The following UGT2B17 variants were observed in gnomAD, a reference collection of about 807,000 sequenced individuals.
UGT2B17 encodes UDP glucuronosyltransferase family 2 member B17.
UGT2B17 carries 21 observed loss-of-function variants against 48.2 expected under a neutral mutation model. That is an observed-to-expected ratio of 0.44 (90% confidence interval 0.31 to 0.63). The LOEUF (loss-of-function observed/expected upper bound fraction) is 0.63. UGT2B17 is among the 20% of genes least tolerant of loss of function. UGT2B17 has a pLI of 0.08. For synonymous variants in UGT2B17, 146 were observed against 238.4 expected (o/e 0.61, Z 3.57); for missense variants, 402 against 696.1 (o/e 0.58, Z 4.75).
intron 6 of UGT2B17, among the ~76,000 whole-genome samples, chr4:68,540,838 C>T (rs868101465): frequency 8.0e-6 from 1 of 124,728 alleles, no homozygotes. Flanking sequence ...TTGCTCCCCT[C>T]CCTGAGTCCA....
rs185601583 is a variant in UGT2B17 at position 68,572,749 on chromosome 4, C to A, written c.-65+3202G>T. On this transcript the variant is annotated intron_variant, in intron 1 of 6. Coordinates refer to ENST00000317746, the MANE Select transcript of UGT2B17 (RefSeq NM_001077.4). ...AGTCTGAGGAAGGTCAGTTGAAGTC[C>A]TTCCTGTACAAGTCCAAATTCTGAG... Among the ~76,000 whole-genome samples, 2 of 126,716 alleles carry A rather than the reference C, an allele frequency of 1.6e-5. 1 individual carries two copies. Among genetic ancestry groups the A allele is most frequent in the East Asian group, 1.5e-3 (2 of 1,326 alleles). 83.1% of individuals were successfully genotyped at this position (126,716 alleles called of 152,430 possible).
At position 68,564,586 on chromosome 4, in the gene UGT2B17, G is replaced by A. The variant is rs929970264; in HGVS notation, c.873+986C>T. On this transcript the variant is annotated intron_variant, in intron 3 of 6. Transcript: ENST00000317746. ...TTACAGGTGTAAGCCACCACGCCCGGCCCATCATTGACTTTTACTCAACCT... is the reference window on the plus strand; with the variant it reads ...TTACAGGTGTAAGCCACCACGCCCGACCCATCATTGACTTTTACTCAACCT... Among the ~76,000 whole-genome samples the A allele has an allele frequency of 4.0e-5, 5 of 124,980 alleles. 1 individual carries two copies. The highest frequency in any genetic ancestry group is 1.4e-4 in the African/African-American group (5 of 36,508). The allele number at this position is 124,980 out of a possible 152,430, so 82.0% of individuals were successfully genotyped here.
intron 6 of UGT2B17, among the ~76,000 whole-genome samples, chr4:68,546,839 G>C (rs1485154130): frequency 2.4e-5 from 3 of 123,294 alleles, no homozygotes; most frequent in South Asian, 3.9e-4. Flanking sequence ...GCTTCAAAGA[G>C]AATAAAATAC....
chr4:68,570,889 A>T (rs1439607074), intron 1 of UGT2B17, among the ~76,000 whole-genome samples: 1 of 126,004 alleles, frequency 7.9e-6, no homozygotes, highest in Non-Finnish European at 1.7e-5. Context: ...CATATTTTTA[A>T]CTATGTCTTT....
At position 68,557,959 on chromosome 4, in the gene UGT2B17, C is replaced by T. The variant is rs1468826589; in HGVS notation, c.1005+2578G>A. 3.2e-5 allele frequency among the ~76,000 whole-genome samples: 4 copies of T among 124,350 alleles called. 2 individuals are homozygous for T. The East Asian group carries it at 3.1e-3, about 97-fold the overall frequency. The allele number at this position is 124,350 out of a possible 152,430, so 81.6% of individuals were successfully genotyped here. A position where few individuals can be genotyped will look rare whatever the true frequency, so the allele number is the denominator to read the frequency against. ...GAGCCCCAAGTTTATTTTGGAACCC[C>T]AAGAGGAGAGGAATTCACCCAACTC... On this transcript the variant is annotated intron_variant, in intron 4 of 6. Transcript: ENST00000317746.
Position 68,568,467 on chromosome 4 carries a change from C to T in UGT2B17, c.18G>A (p.Met6Ile), listed in dbSNP as rs1203839529. 2 of 1,356,228 alleles carry T rather than the reference C, an allele frequency of 1.5e-6. No individual in the cohort carries two copies. The highest frequency in any genetic ancestry group is 1.5e-5 in the African/African-American group (1 of 66,406). 84.0% of individuals were successfully genotyped at this position (1,356,228 alleles called of 1,614,324 possible). MSLKW[M>I]SVFLLMQLSC... is the part of the protein sequence containing the mutation. ...TGAGCTGCATCAGCAGAAAGACTGA[C>T]ATCCATTTCAGAGACATCCTGGTCT... The change falls in exon 2 of 7, where the codon ATG becomes ATA. Residue 6 changes from methionine (M) to isoleucine (I), a missense_variant. Transcript: ENST00000317746.
rs772952738 is a variant in UGT2B17 at position 68,568,478 on chromosome 4, G to C, written c.7C>G (p.Leu3Val). The change falls in exon 2 of 7, where the codon CTG (leucine) becomes GTG (valine). Residue 3 changes from leucine (L) to valine (V), a missense_variant. By Grantham distance (32) the Leu-to-Val change is conservative. This residue lies in a region of UGT2B17 where 51 missense variants were observed against 108.7 expected (regional missense o/e 0.47). Transcript: ENST00000317746. MS[L>V]KWMSVFLLMQ... The stretch of plus-strand genomic sequence containing the variant: ...AGCAGAAAGACTGACATCCATTTCA[G>C]AGACATCCTGGTCTTATGCAGTGCT... 1.2e-5 allele frequency: 16 copies of C among 1,351,226 alleles called. 6 individuals carry two copies. The highest frequency in any genetic ancestry group is 1.5e-5 in the Non-Finnish European group (16 of 1,046,426). 83.7% of individuals were successfully genotyped at this position (1,351,226 alleles called of 1,614,324 possible).
In UGT2B17 at chr4:68,545,944, C is replaced by T. The variant is rs1300135535; in HGVS notation, c.1313+4733G>A. On this transcript the variant is annotated intron_variant, in intron 6 of 6. Coordinates refer to ENST00000317746, the MANE Select transcript of UGT2B17 (RefSeq NM_001077.4). ...GAGGCAATAATTAATAGCTTACCAA[C>T]CAAAAAAAGTCCAGGACCAGATGGA... Among the ~76,000 whole-genome samples the T allele has an allele frequency of 3.2e-5, 4 of 125,320 alleles. 1 individual carries two copies. The highest frequency in any genetic ancestry group is 8.2e-5 in the African/African-American group (3 of 36,708). 82.2% of individuals were successfully genotyped at this position (125,320 alleles called of 152,430 possible).
rs1229575977 is a variant in UGT2B17, at chr4:68,542,593, G to A, written c.1314-4689C>T. 3.2e-5 allele frequency among the ~76,000 whole-genome samples: 4 copies of A among 126,326 alleles called. 1 individual carries two copies. The highest frequency in any genetic ancestry group is 1.1e-4 in the African/African-American group (4 of 36,930). The allele number at this position is 126,326 out of a possible 152,430, so 82.9% of individuals were successfully genotyped here. A position where few individuals can be genotyped will look rare whatever the true frequency, so the allele number is the denominator to read the frequency against. On this transcript the variant is annotated intron_variant, in intron 6 of 6. Transcript: ENST00000317746. ...CCCAGGGGACTGTCAGACAGTGGGT[G>A]CAGGACAGTGGGTGCAGCGCACCAC...
Position 68,537,683 on chromosome 4 carries a change from C to A in UGT2B17, c.1535G>T (p.Cys512Phe), listed in dbSNP as rs375288266. The A allele has an allele frequency of 5.8e-6, 8 of 1,377,810 alleles. 3 individuals are homozygous for A. In the Admixed American group the frequency reaches 7.9e-5, roughly 14 times the overall value. 85.3% of individuals were successfully genotyped at this position (1,377,810 alleles called of 1,614,324 possible). Residue 512 changes from cysteine to phenylalanine, a missense_variant, in exon 7 of 7, where the codon TGT (cysteine) becomes TTT (phenylalanine). By Grantham distance (205) the Cys-to-Phe change is radical (BLOSUM62 -2). This residue lies in a region of UGT2B17 where 156 missense variants were observed against 258.6 expected (regional missense o/e 0.60). Transcript: ENST00000317746. ...VATMIFMITK[C>F]CLFCFRKLAK... ...AAGCTTTCGGAAACAAAACAGGCAA[C>A]ATTTTGTGATCATAAATATCATAGT...
chr4:68,547,964 T>A lies in UGT2B17; in HGVS notation c.1313+2713A>T, dbSNP rs1260839039. Reference sequence around the variant, plus strand: ...AGGATATGGAGAAATAGGAACACTTTTACACTGTTGGTGGGACTGTAAACT... The same window carrying A: ...AGGATATGGAGAAATAGGAACACTTATACACTGTTGGTGGGACTGTAAACT... On this transcript the variant is annotated intron_variant, in intron 6 of 6. Coordinates refer to ENST00000317746, the MANE Select transcript of UGT2B17 (RefSeq NM_001077.4). Among the ~76,000 whole-genome samples the A allele has an allele frequency of 4.7e-5, 6 of 126,486 alleles. 1 individual carries two copies. The highest frequency in any genetic ancestry group is 6.7e-5 in the Non-Finnish European group (4 of 59,626). The allele number at this position is 126,486 out of a possible 152,430, so 83.0% of individuals were successfully genotyped here. A position where few individuals can be genotyped will look rare whatever the true frequency, so the allele number is the denominator to read the frequency against.
rs753213659 is a variant in UGT2B17 at position 68,550,780 on chromosome 4, T to A, written c.1210A>T (p.Ile404Phe). The A allele has an allele frequency of 1.4e-6, 2 of 1,388,066 alleles. 1 individual carries two copies. Among genetic ancestry groups the A allele is most frequent in the African/African-American group, 3.0e-5 (2 of 67,694 alleles). 86.0% of individuals were successfully genotyped at this position (1,388,066 alleles called of 1,614,324 possible). The change falls in exon 6 of 7, where the codon ATT (isoleucine) becomes TTT (phenylalanine). Residue 404 changes from isoleucine to phenylalanine, a missense_variant. Physicochemically the swap from Ile to Phe is conservative, Grantham distance 21. Around this residue, in one of 5 missense-constraint regions of UGT2B17, gnomAD observed 156 missense variants for 258.6 expected, o/e 0.60. Transcript: ENST00000317746. Reference sequence around the variant, plus strand: ...GCTCCCTTGGCTTTCATGTGAGCAATGTTATCATGTTGATCCGCAAACAAG... The same window carrying A: ...GCTCCCTTGGCTTTCATGTGAGCAAAGTTATCATGTTGATCCGCAAACAAG... ...IPLFADQHDNIAHMKAKGAAL... is the reference protein window; with the variant it reads ...IPLFADQHDNFAHMKAKGAAL...
chr4:68,543,162 G>A (rs1206875491), intron 6 of UGT2B17, among the ~76,000 whole-genome samples: 1 of 125,994 alleles, frequency 7.9e-6, no homozygotes, highest in Non-Finnish European at 1.7e-5. Flanking sequence ...CCTGATCCCC[G>A]AGTAGCCTGA....
Position 68,563,565 on chromosome 4 carries a change from G to T in UGT2B17, c.873+2007C>A, listed in dbSNP as rs1393535724. ...TAGAGGGTGGAGGTTGCAGTGAGCT[G>T]AGATCATGGTAGTATTAGTAATAAT... On this transcript the variant is annotated intron_variant, in intron 3 of 6. Transcript: ENST00000317746. 3.9e-5 allele frequency among the ~76,000 whole-genome samples: 5 copies of T among 126,854 alleles called. 2 individuals carry two copies. Among genetic ancestry groups the T allele is most frequent in the Non-Finnish European group, 8.4e-5 (5 of 59,700 alleles). 83.2% of individuals were successfully genotyped at this position (126,854 alleles called of 152,430 possible).
At position 68,574,362 on chromosome 4, in the gene UGT2B17, C is replaced by A. The variant is rs770519936; in HGVS notation, c.-65+1589G>T. Among the ~76,000 whole-genome samples the A allele has an allele frequency of 8.0e-5, 10 of 125,604 alleles. 2 individuals carry two copies. In the Admixed American group the frequency reaches 8.1e-4, roughly 10 times the overall value. The allele number at this position is 125,604 out of a possible 152,430, so 82.4% of individuals were successfully genotyped here. A position where few individuals can be genotyped will look rare whatever the true frequency, so the allele number is the denominator to read the frequency against. On this transcript the variant is annotated intron_variant, in intron 1 of 6. Transcript: ENST00000317746. ...AATATTAAACTTAATTTTAATAAAA[C>A]CTTGTAGACATATTTATCCAATTTT...
At position 68,541,659 on chromosome 4, in the gene UGT2B17, T is replaced by C. The variant is rs560464738; in HGVS notation, c.1314-3755A>G. ...AGCTCTTTAGTTTAATTTGATCCCATTTGTCAACTTTGGCTTTTATTGTAA... is the reference window on the plus strand; with the variant it reads ...AGCTCTTTAGTTTAATTTGATCCCACTTGTCAACTTTGGCTTTTATTGTAA... On this transcript the variant is annotated intron_variant, in intron 6 of 6. Transcript: ENST00000317746. 8.8e-4 allele frequency among the ~76,000 whole-genome samples: 111 copies of C among 126,780 alleles called. 14 individuals are homozygous for C. Among genetic ancestry groups the C allele is most frequent in the African/African-American group, 2.9e-3 (107 of 37,204 alleles). 83.2% of individuals were successfully genotyped at this position (126,780 alleles called of 152,430 possible).
chr4:68,544,624 G>C lies in UGT2B17; in HGVS notation c.1313+6053C>G, dbSNP rs1291831464. 4.8e-5 allele frequency among the ~76,000 whole-genome samples: 6 copies of C among 126,004 alleles called. 2 individuals are homozygous for C. Among genetic ancestry groups the C allele is most frequent in the Middle Eastern group, 7.9e-3 (2 of 254 alleles). The allele number at this position is 126,004 out of a possible 152,430, so 82.7% of individuals were successfully genotyped here. On this transcript the variant is annotated intron_variant, in intron 6 of 6. Transcript: ENST00000317746. ...AACCTTAAATGTAAATGGGTTAAAT[G>C]CTAGAATTAAAAGACACAGACTGGC...
Position 68,537,213 on chromosome 4 carries a change from T to G in UGT2B17, c.*412A>C. On this transcript the variant is annotated 3_prime_UTR_variant, in exon 7 of 7. Transcript: ENST00000317746. ...ATTATTGAAGATTTCATTGGCAAAATTAAAAACAAAAATTCTGCTCAAAAT... is the reference window on the plus strand; with the variant it reads ...ATTATTGAAGATTTCATTGGCAAAAGTAAAAACAAAAATTCTGCTCAAAAT... 7.8e-6 allele frequency: 1 copy of G among 128,024 alleles called. No homozygotes were observed. Among genetic ancestry groups the G allele is most frequent in the Non-Finnish European group, 1.6e-5 (1 of 60,934 alleles). 7.9% of individuals were successfully genotyped at this position (128,024 alleles called of 1,614,324 possible). A position where few individuals can be genotyped will look rare whatever the true frequency, so the allele number is the denominator to read the frequency against.
At chr4:68,569,675 C>A (rs1731269254) in intron 1 of UGT2B17, among the ~76,000 whole-genome samples, 1 of 125,754 alleles carries the variant, frequency 8.0e-6, no homozygotes, top group African/African-American at 2.7e-5. Flanking sequence ...AGGAAGAGAG[C>A]CGGCCAGAAG....
Sources: allele counts gnomAD v4.1 joint callset (sites outside exome capture counted in the v4.1 genomes callset), GRCh38; gene constraint gnomAD v4.1.1; regional missense constraint gnomAD v4.1.1; transcripts MANE v1.5; gene names NCBI Gene and HGNC (gene_info 2026-07-23, HGNC 2026-07-21).